CACNA1C: variants seen among roughly 807,000 people sequenced by gnomAD.
CACNA1C encodes the protein voltage-dependent L-type calcium channel subunit alpha-1C.
Under a neutral mutation model 229.0 loss-of-function variants are expected in CACNA1C, and 30 were observed. The ratio of observed to expected loss-of-function variants is 0.13; its 90% CI spans 0.10 to 0.18. CACNA1C has a LOEUF of 0.18. Among genes scored for constraint, CACNA1C ranks in the 10% least tolerant of loss-of-function variants. CACNA1C has a pLI of 1.00. For synonymous variants in CACNA1C, 1,114 were observed against 1,132.5 expected (o/e 0.98, Z 0.33); for missense variants, 1,658 against 2,845.0 (o/e 0.58, Z 9.49).
At chr12:2,024,692 G>A (rs139043966) in intron 1 of CACNA1C, among the ~76,000 whole-genome samples, 140 of 152,366 alleles carry the variant, frequency 9.2e-4, no homozygotes, top group African/African-American at 3.3e-3. Flanking sequence ...CAAGTAGCAG[G>A]TTCTGACATG....
Position 2,597,333 on chromosome 12 carries a change from C to T in CACNA1C, c.2853+44C>T. Reference sequence around the variant, plus strand: ...TCTGCTCCTCCTGTCCCCCTTGTGCCAGCACCAGGTCTCTGCCGCTGTCTG... The same window carrying T: ...TCTGCTCCTCCTGTCCCCCTTGTGCTAGCACCAGGTCTCTGCCGCTGTCTG... On this transcript the variant is annotated intron_variant, in intron 21 of 46. Coordinates refer to ENST00000399655, the MANE Select transcript of CACNA1C (RefSeq NM_000719.7). The surrounding 1 kb of genome is among the most constrained non-coding windows in gnomAD (Gnocchi z 4.3). The T allele has an allele frequency of 6.6e-7, 1 of 1,524,524 alleles. No individual in the cohort carries two copies. The allele number at this position is 1,524,524 out of a possible 1,614,324, so 94.4% of individuals were successfully genotyped here.
chr12:2,672,579 G>A (rs901857798), intron 38 of CACNA1C, among the ~76,000 whole-genome samples: 1 of 152,138 alleles, frequency 6.6e-6, no homozygotes, highest in African/African-American at 2.4e-5. Context: ...TGCCTGGTGT[G>A]CACTGGCTCA....
At chr12:2,364,849 G>A (rs1254786576) in intron 3 of CACNA1C, among the ~76,000 whole-genome samples, 1 of 152,232 alleles carries the variant, frequency 6.6e-6, no homozygotes. Context: ...ACGATCTTGT[G>A]ATTCCAGGAG....
intron 1 of CACNA1C, among the ~76,000 whole-genome samples, chr12:2,002,736 G>A (rs1416350098): frequency 6.6e-6 from 1 of 151,996 alleles, no homozygotes; most frequent in African/African-American, 2.4e-5. Context: ...TCTCTACTAC[G>A]GAATTACTTT....
intron 3 of CACNA1C, among the ~76,000 whole-genome samples, chr12:2,260,025 A>G (rs2079468394): frequency 6.6e-6 from 1 of 152,202 alleles, no homozygotes; most frequent in Non-Finnish European, 1.5e-5. Flanking sequence ...CAGACTGCAC[A>G]CTGGTGTGCA....
chr12:2,164,525 C>T (rs1566081574), intron 3 of CACNA1C, among the ~76,000 whole-genome samples: 1 of 152,200 alleles, frequency 6.6e-6, no homozygotes, highest in Admixed American at 6.5e-5. Context: ...TTGCCTTTAC[C>T]TGTCTCTCTC....
intron 3 of CACNA1C, among the ~76,000 whole-genome samples, chr12:2,411,253 G>A (rs542376847): frequency 1.2e-3 from 178 of 152,236 alleles, no homozygotes; most frequent in African/African-American, 4.1e-3. Context: ...GTGGAGAGCT[G>A]CAATGAAGGC....
rs368272817 is a variant in CACNA1C, at chr12:2,266,281, A to T, written c.477+145851A>T. ...GCCGGGCGGGCAGTACTGGGGGCAT[A>T]TGGCCTTGTTATTTTGATGGAGCTC... On this transcript the variant is annotated intron_variant, in intron 3 of 46. Transcript: ENST00000399655. Among the ~76,000 whole-genome samples, 8 of 152,244 alleles carry T rather than the reference A, an allele frequency of 5.3e-5. No homozygotes were observed. In the South Asian group the frequency reaches 1.5e-3, roughly 28 times the overall value.
At chr12:2,310,342 T>TAAAAAAAAAAAAAAA (rs1262171750) in intron 3 of CACNA1C, among the ~76,000 whole-genome samples, 3 of 144,242 alleles carry the variant, frequency 2.1e-5, no homozygotes, top group African/African-American at 8.0e-5. Flanking sequence ...GCCTCCCAGT[T>TAAAAAAAAAAAAAAA]AAAAAAAAAA....
rs144158158 is a variant in CACNA1C at position 2,431,936 on chromosome 12, C to T, written c.478-17040C>T. Among the ~76,000 whole-genome samples, 416 of 152,240 alleles carry T rather than the reference C, an allele frequency of 2.7e-3. 1 individual carries two copies. The highest frequency in any genetic ancestry group is 9.5e-3 in the African/African-American group (394 of 41,548). ...AAAATTCATATTCATCTGGGAGAAC[C>T]AACTCAAGGCTCAGCCCAACCCTGC... On this transcript the variant is annotated intron_variant, in intron 3 of 46. Transcript: ENST00000399655.
intron 1 of CACNA1C, among the ~76,000 whole-genome samples, chr12:2,068,346 G>T (rs559615674): frequency 3.1e-4 from 47 of 152,310 alleles, no homozygotes; most frequent in Admixed American, 1.9e-3. Context: ...GTCTGGTGTG[G>T]GGGAGGGTTG....
chr12:2,530,493 T>C (rs957071584), intron 9 of CACNA1C, among the ~76,000 whole-genome samples: 3 of 152,224 alleles, frequency 2.0e-5, no homozygotes, highest in African/African-American at 7.2e-5. Flanking sequence ...TAAAGATTTC[T>C]TCTTGCCCTC....
At chr12:2,292,082 G>A (rs767372191) in intron 3 of CACNA1C, among the ~76,000 whole-genome samples, 5 of 152,344 alleles carry the variant, frequency 3.3e-5, no homozygotes, top group East Asian at 3.9e-4. Context: ...TGGAAATAGC[G>A]TGGAGTCAAT....
chr12:2,624,125 T>C (rs746964815), intron 29 of CACNA1C, among the ~76,000 whole-genome samples: 75 of 152,098 alleles, frequency 4.9e-4, no homozygotes, highest in Non-Finnish European at 8.8e-4. Flanking sequence ...GGGTCCTTGT[T>C]TGGGGGTTTG....
At chr12:2,189,764 G>A (rs772966861) in intron 3 of CACNA1C, among the ~76,000 whole-genome samples, 3 of 151,980 alleles carry the variant, frequency 2.0e-5, no homozygotes, top group Non-Finnish European at 4.4e-5. Context: ...TTAAAATAAC[G>A]TGCTCATTAA....
At chr12:2,535,147 T>C (rs929687057) in intron 9 of CACNA1C, among the ~76,000 whole-genome samples, 1 of 152,200 alleles carries the variant, frequency 6.6e-6, no homozygotes, top group African/African-American at 2.4e-5. Flanking sequence ...CCCAGCACTT[T>C]GGGAGGCCGA....
At chr12:2,686,720 T>C (rs1464242805) in intron 45 of CACNA1C, among the ~76,000 whole-genome samples, 2 of 152,166 alleles carry the variant, frequency 1.3e-5, no homozygotes, top group Non-Finnish European at 2.9e-5. Context: ...ACCAGCAACA[T>C]GGTCAAGAGT....
At position 2,679,811 on chromosome 12, in the gene CACNA1C, G is replaced by A. The variant is rs2097031703; in HGVS notation, c.5444+15G>A. The A allele has an allele frequency of 1.3e-6, 2 of 1,514,130 alleles. No individual in the cohort carries two copies. Among genetic ancestry groups the A allele is most frequent in the Non-Finnish European group, 1.8e-6 (2 of 1,117,398 alleles). The allele number at this position is 1,514,130 out of a possible 1,614,324, so 93.8% of individuals were successfully genotyped here. ...AGCTCCAACAGGTAAGTGGGAGGCT[G>A]GCCACCCCAGGCGGCACACAGGGCC... On this transcript the variant is annotated intron_variant, in intron 42 of 46. Coordinates refer to ENST00000399655, the MANE Select transcript of CACNA1C (RefSeq NM_000719.7). The surrounding 1 kb of genome is among the most constrained non-coding windows in gnomAD (Gnocchi z 5.5).
chr12:2,473,397 G>A (rs2099603380), intron 5 of CACNA1C, among the ~76,000 whole-genome samples: 3 of 152,110 alleles, frequency 2.0e-5, no homozygotes, highest in Non-Finnish European at 1.5e-5. Flanking sequence ...GCAGTGTTGT[G>A]CTTGAACTGT....
Sources: gnomAD v4.1 joint callset for allele counts (sites outside exome capture counted in the v4.1 genomes callset) on GRCh38, gnomAD v4.1.1 for gene constraint, Gnocchi (gnomAD v3.1) non-coding constraint, MANE v1.5 for transcripts, NCBI Gene and HGNC (gene_info 2026-07-23, HGNC 2026-07-21) for gene names.